PSTPIP2: variants seen among roughly 807,000 people sequenced by gnomAD.
PSTPIP2 encodes proline-serine-threonine phosphatase-interacting protein 2.
A neutral mutation model predicts 63.3 loss-of-function variants in PSTPIP2; 33 were observed. That is an observed-to-expected ratio of 0.52 (90% CI 0.40 to 0.70). PSTPIP2 has a LOEUF of 0.70. Among genes scored for constraint, PSTPIP2 ranks in the 30% least tolerant of loss-of-function variants. The pLI is 0.00. For synonymous variants in PSTPIP2, 125 were observed against 132.7 expected (o/e 0.94, Z 0.40); for missense variants, 312 against 400.7 (o/e 0.78, Z 1.89).
intron 5 of PSTPIP2, among the ~76,000 whole-genome samples, chr18:46,006,713 G>T (rs2051732678): frequency 6.6e-6 from 1 of 152,124 alleles, no homozygotes; most frequent in East Asian, 1.9e-4. Flanking sequence ...TGAGGTAAAT[G>T]CCTCGCTTGG....
chr18:46,028,440 G>A (rs1459193767), intron 2 of PSTPIP2: 1 of 567,282 alleles, frequency 1.8e-6, no homozygotes, highest in East Asian at 4.9e-5. Flanking sequence ...GGAACCGCCC[G>A]ACGCTGGAGA....
At chr18:45,993,458 G>A in intron 10 of PSTPIP2, 147 bp downstream of exon 10, 1 of 663,566 alleles carries the variant, frequency 1.5e-6, no homozygotes, top group Non-Finnish European at 2.6e-6. Flanking sequence ...CATGTTATCT[G>A]CATCCTTCTG....
chr18:46,008,273 C>T (rs2051753407), intron 5 of PSTPIP2, among the ~76,000 whole-genome samples: 1 of 151,936 alleles, frequency 6.6e-6, no homozygotes, highest in Admixed American at 6.6e-5. Flanking sequence ...GCTTCATGGC[C>T]CGTTTTTCTC....
intron 2 of PSTPIP2, among the ~76,000 whole-genome samples, chr18:46,027,675 G>A (rs1455591178): frequency 4.6e-5 from 7 of 151,972 alleles, no homozygotes; most frequent in Non-Finnish European, 1.0e-4. Flanking sequence ...GGATGACAAA[G>A]TAAGACCCTG....
In PSTPIP2 at chr18:45,988,633, T is replaced by TC; in HGVS notation, c.*8+68dup. On this transcript the variant is annotated intron_variant, in intron 14 of 14. Transcript: ENST00000409746. ...TTTGTGGTAGTGTTATAAATAAGGT[T>TC]CAAAGGCTTCAATAGCACAATTACC... The TC allele has an allele frequency of 2.2e-6, 3 of 1,370,502 alleles. No homozygotes were observed. The South Asian group carries it at 3.5e-5, about 16-fold the overall frequency. 84.9% of individuals were successfully genotyped at this position (1,370,502 alleles called of 1,614,324 possible). A position where few individuals can be genotyped will look rare whatever the true frequency, so the allele number is the denominator to read the frequency against.
intron 1 of PSTPIP2, among the ~76,000 whole-genome samples, chr18:46,065,888 C>T (rs1232505225): frequency 1.3e-5 from 2 of 152,010 alleles, no homozygotes; most frequent in Admixed American, 1.3e-4. Flanking sequence ...AGGCATGAGC[C>T]ACTGTGCCCA....
intron 1 of PSTPIP2, chr18:46,040,946 C>T (rs1455600788): frequency 4.4e-6 from 2 of 454,112 alleles, no homozygotes; most frequent in East Asian, 7.0e-5. Flanking sequence ...TCATGTGCTT[C>T]CTCATACTGC....
At chr18:45,985,521 G>C (rs2144052017) in intron 14 of PSTPIP2, 71 bp from the exon 15 acceptor site, 2 of 1,524,006 alleles carry the variant, frequency 1.3e-6, no homozygotes, top group South Asian at 2.3e-5. Context: ...TACCTTGAGA[G>C]TATATTCAAC....
intron 5 of PSTPIP2, among the ~76,000 whole-genome samples, chr18:46,009,377 AAAAAAAAAAAAAAAC>A (rs1485100060): frequency 1.5e-5 from 2 of 135,676 alleles, no homozygotes; most frequent in Non-Finnish European, 3.1e-5. Flanking sequence ...AAAAAAAAAA[AAAAAAAAAAAAAAAC>A]CTAGCTAAAT....
intron 1 of PSTPIP2, among the ~76,000 whole-genome samples, chr18:46,067,840 T>C (rs1414469562): frequency 2.6e-5 from 4 of 152,242 alleles, no homozygotes; most frequent in Non-Finnish European, 5.9e-5. Context: ...GTTTCTTTGC[T>C]CAGATAAACT....
rs748468250 is a variant in PSTPIP2 at position 45,997,880 on chromosome 18, GC to G, written c.563-53del. ...CAGAAACTAGACAGGAAGGTGGCTCGCAGATACACCCACAGGCTGGTCTCAG... is the reference window on the plus strand; with the variant it reads ...CAGAAACTAGACAGGAAGGTGGCTCGAGATACACCCACAGGCTGGTCTCAG... On this transcript the variant is annotated intron_variant, in intron 8 of 14. Coordinates refer to ENST00000409746, the MANE Select transcript of PSTPIP2 (RefSeq NM_024430.4). 5.2e-5 allele frequency: 79 copies of G among 1,508,626 alleles called. No homozygotes were observed. The East Asian group carries it at 1.8e-3, about 34-fold the overall frequency. The allele number at this position is 1,508,626 out of a possible 1,614,324, so 93.5% of individuals were successfully genotyped here. A position where few individuals can be genotyped will look rare whatever the true frequency, so the allele number is the denominator to read the frequency against.
chr18:45,996,832 C>T (rs1421898521), intron 9 of PSTPIP2, among the ~76,000 whole-genome samples: 1 of 152,046 alleles, frequency 6.6e-6, no homozygotes, highest in African/African-American at 2.4e-5. Context: ...GTCCCATCTA[C>T]TTCACTTGAG....
At chr18:46,055,621 T>C (rs1039294387) in intron 1 of PSTPIP2, among the ~76,000 whole-genome samples, 8 of 152,198 alleles carry the variant, frequency 5.3e-5, no homozygotes, top group Middle Eastern at 3.2e-3. Context: ...GCCCAGCCAG[T>C]GCCAACATTT....
chr18:46,040,512 C>T (rs184909946), intron 1 of PSTPIP2, among the ~76,000 whole-genome samples: 85 of 152,308 alleles, frequency 5.6e-4, no homozygotes, highest in African/African-American at 2.0e-3. Flanking sequence ...AATTCCTAAG[C>T]CCCTAACTCA....
intron 5 of PSTPIP2, among the ~76,000 whole-genome samples, chr18:46,008,924 C>T (rs1028785956): frequency 1.3e-5 from 2 of 152,112 alleles, no homozygotes; most frequent in Non-Finnish European, 2.9e-5. Flanking sequence ...AGCCTTTCAC[C>T]CCACTGGTTT....
chr18:46,015,864 A>C, intron 4 of PSTPIP2, 39 bp downstream of exon 4: 1 of 1,585,282 alleles, frequency 6.3e-7, no homozygotes, highest in South Asian at 1.1e-5. Flanking sequence ...GGGCTTGTCA[A>C]GGGCAGTGAA....
intron 1 of PSTPIP2, 185 bp from the exon 2 acceptor site, chr18:46,040,232 T>A: frequency 2.1e-6 from 1 of 472,284 alleles, no homozygotes; most frequent in Non-Finnish European, 3.7e-6. Context: ...TGAAAGAACA[T>A]GTTTCAGTTC....
At chr18:46,040,392 C>A in intron 1 of PSTPIP2, 1 of 187,614 alleles carries the variant, frequency 5.3e-6, no homozygotes, top group East Asian at 1.6e-4. Flanking sequence ...TTACATACAT[C>A]CTTGAGTTGT....
chr18:46,001,155 T>C (rs565142914), intron 6 of PSTPIP2, among the ~76,000 whole-genome samples: 1 of 152,360 alleles, frequency 6.6e-6, no homozygotes, highest in East Asian at 1.9e-4. Context: ...TTGTAGTTTT[T>C]TGAGAAATCT....
Sources: allele counts gnomAD v4.1 joint callset (sites outside exome capture counted in the v4.1 genomes callset), GRCh38; gene constraint gnomAD v4.1.1; transcripts MANE v1.5; gene names NCBI Gene and HGNC (gene_info 2026-07-23, HGNC 2026-07-21).